The following BIRC7 variants were observed in gnomAD, a reference collection of about 807,000 sequenced individuals.
BIRC7 encodes the protein baculoviral IAP repeat containing 7, also known as baculoviral IAP repeat-containing protein 7.
Under a neutral mutation model 33.2 loss-of-function variants are expected in BIRC7, and 26 were observed. That is an observed-to-expected ratio of 0.78 (90% CI 0.57 to 1.09). The LOEUF is 1.09. BIRC7 is among the 50% of genes least tolerant of loss of function. The pLI, the probability that BIRC7 is intolerant of heterozygous loss-of-function variation, is 0.00. For synonymous variants in BIRC7, 176 were observed against 171.0 expected (o/e 1.03, Z -0.23); for missense variants, 409 against 401.2 (o/e 1.02, Z -0.17).
chr20:63,240,109 C>T (rs1285815362), intron 6 of BIRC7, 147 bp from the exon 7 acceptor site: 1 of 169,492 alleles, frequency 5.9e-6, no homozygotes, highest in Non-Finnish European at 1.3e-5. Flanking sequence ...TCGGGGCTCC[C>T]CAGAGCCTCT....
In BIRC7 at chr20:63,239,584, C is replaced by T. The variant is rs918768601; in HGVS notation, c.876C>T (p.Arg292=). The T allele has an allele frequency of 5.0e-6, 8 of 1,598,562 alleles. No homozygotes were observed. Among genetic ancestry groups the T allele is most frequent in the Admixed American group, 1.7e-5 (1 of 59,880 alleles). The change falls in exon 6 of 7, where the codon CGC becomes CGT. Residue 292 remains arginine, a synonymous_variant. Coordinates refer to ENST00000217169, the MANE Select transcript of BIRC7 (RefSeq NM_139317.3). ...CPICRAPVRS[R]VRTFLS is the part of the protein sequence containing the mutation. ...TCTGCAGAGCCCCCGTCCGCAGCCG[C>T]GTGCGCACCTTCCTGTCCTAGGCCA...
At chr20:63,238,758 T>A in intron 4 of BIRC7, 144 bp downstream of exon 4, 2 of 1,195,496 alleles carry the variant, frequency 1.7e-6, no homozygotes, top group Non-Finnish European at 2.4e-6. Context: ...TGGGTTGGCT[T>A]CAGGGGGCTG....
chr20:63,238,435 CCA>C lies in BIRC7; in HGVS notation c.492_493del (p.His164GlnfsTer36). 3.1e-6 allele frequency: 5 copies of C among 1,612,540 alleles called. No individual in the cohort carries two copies. The highest frequency in any genetic ancestry group is 2.2e-5 in the East Asian group (1 of 44,878). On this transcript the variant is annotated frameshift_variant, in exon 3 of 7. Coordinates refer to ENST00000217169, the MANE Select transcript of BIRC7 (RefSeq NM_139317.3). LOFTEE classifies it high-confidence loss of function. ...TCCGGTCAAAAGGAAGAGACTTTGT[CCA>C]CAGTGTGCAGGAGACTCACTCCCAG... ...LLRSKGRDFVHSVQETHSQLL... is the reference protein window; with the variant it reads ...LLRSKGRDFVXSVQETHSQLL...
chr20:63,236,857 A>G (rs2066692276), intron 1 of BIRC7, among the ~76,000 whole-genome samples: 1 of 152,370 alleles, frequency 6.6e-6, no homozygotes, highest in Non-Finnish European at 1.5e-5. Context: ...CAAGGCAGGC[A>G]GTGGTCAGCC....
chr20:63,238,828 G>A, intron 4 of BIRC7: 1 of 674,614 alleles, frequency 1.5e-6, no homozygotes, highest in Non-Finnish European at 2.5e-6. Context: ...GCCCCATTCT[G>A]CTTCTCTCCC....
In BIRC7 at chr20:63,238,002, G is replaced by A; in HGVS notation, c.449G>A (p.Ser150Asn). The A allele has an allele frequency of 6.3e-7, 1 of 1,590,658 alleles. No individual in the cohort carries two copies. Among genetic ancestry groups the A allele is most frequent in the South Asian group, 1.1e-5 (1 of 88,060 alleles). Residue 150 changes from serine (S) to asparagine (N), a missense_variant and splice_region_variant, in exon 2 of 7, where the codon AGC becomes AAC. Coordinates refer to ENST00000217169, the MANE Select transcript of BIRC7 (RefSeq NM_139317.3). ...ACGGAGCATGCCAAGTGGTTCCCCA[G>A]GTACCGGCTGCCCCTGCGGGGCCCC... Reference protein sequence around the residue: ...PWTEHAKWFPSCQFLLRSKGR... With the variant: ...PWTEHAKWFPNCQFLLRSKGR...
intron 1 of BIRC7, 53 bp downstream of exon 1, chr20:63,236,498 A>C: frequency 6.7e-7 from 1 of 1,492,506 alleles, no homozygotes; most frequent in South Asian, 1.4e-5. Flanking sequence ...ACGATTCTGG[A>C]CCCTTCCAGC....
At chr20:63,240,064 C>T (rs569419690) in intron 6 of BIRC7, among the ~76,000 whole-genome samples, 192 bp from the exon 7 acceptor site, 4 of 152,210 alleles carry the variant, frequency 2.6e-5, no homozygotes, top group African/African-American at 9.6e-5. Context: ...GGTGGGATAC[C>T]CCATACTGGC....
At chr20:63,237,719 TTTCA>T (rs1372674835) in intron 1 of BIRC7, among the ~76,000 whole-genome samples, 180 bp from the exon 2 acceptor site, 2 of 152,068 alleles carry the variant, frequency 1.3e-5, no homozygotes, top group Admixed American at 1.3e-4. Context: ...CTTGTCCCCT[TTTCA>T]CCTTTGATGC....
At chr20:63,239,261 G>A (rs1363228086) in intron 5 of BIRC7, 28 bp downstream of exon 5, 2 of 1,610,698 alleles carry the variant, frequency 1.2e-6, no homozygotes, top group Non-Finnish European at 1.7e-6. Flanking sequence ...CCTGGGTGAG[G>A]GCTGGGGCAG....
chr20:63,236,029 G>A lies in BIRC7; in HGVS notation c.-68G>A. 1 of 1,464,752 alleles carries A rather than the reference G, an allele frequency of 6.8e-7. No homozygotes were observed. The highest frequency in any genetic ancestry group is 9.1e-7 in the Non-Finnish European group (1 of 1,096,524). The allele number at this position is 1,464,752 out of a possible 1,614,324, so 90.7% of individuals were successfully genotyped here. ...CAGGAGCTCCAGAAGGGCCAGCTGGGCATATTCTGAGATTGGCCATCAGCC... is the reference window on the plus strand; with the variant it reads ...CAGGAGCTCCAGAAGGGCCAGCTGGACATATTCTGAGATTGGCCATCAGCC... On this transcript the variant is annotated 5_prime_UTR_variant, in exon 1 of 7. Coordinates refer to ENST00000217169, the MANE Select transcript of BIRC7 (RefSeq NM_139317.3).
chr20:63,238,435 C>T lies in BIRC7; in HGVS notation c.489C>T (p.Val163=), dbSNP rs200627723. 5 of 1,612,540 alleles carry T rather than the reference C, an allele frequency of 3.1e-6. No homozygotes were observed. The highest frequency in any genetic ancestry group is 1.7e-4 in the Middle Eastern group (1 of 6,060). ...TCCGGTCAAAAGGAAGAGACTTTGT[C>T]CACAGTGTGCAGGAGACTCACTCCC... is the stretch of plus-strand genomic sequence containing the variant. ...FLLRSKGRDF[V]HSVQETHSQL... Residue 163 remains valine, a synonymous_variant, in exon 3 of 7, where the codon GTC becomes GTT. Transcript: ENST00000217169.
chr20:63,239,507 T>C lies in BIRC7; in HGVS notation c.799T>C (p.Cys267Arg), dbSNP rs1418734659. 1 of 1,606,172 alleles carries C rather than the reference T, an allele frequency of 6.2e-7. No homozygotes were observed. Among genetic ancestry groups the C allele is most frequent in the Non-Finnish European group, 8.5e-7 (1 of 1,179,814 alleles). Residue 267 changes from cysteine (C) to arginine (R), a missense_variant, in exon 6 of 7, where the codon TGC (cysteine) becomes CGC (arginine). Cys to Arg is a radical substitution (Grantham distance 180). Transcript: ENST00000217169. ...DRAVSIVFVP[C>R]GHLVCAECAP... ...CGCCGTGTCCATCGTCTTTGTGCCG[T>C]GCGGCCACCTGGTCTGTGCTGAGTG...
At position 63,236,064 on chromosome 20, in the gene BIRC7, G is replaced by C; in HGVS notation, c.-33G>C. ...AGATTGGCCATCAGCCCCCATTTCT[G>C]CTGCAAACCTGGTCAGAGCCAGTGT... is the stretch of plus-strand genomic sequence containing the variant. On this transcript the variant is annotated 5_prime_UTR_variant, in exon 1 of 7. Coordinates refer to ENST00000217169, the MANE Select transcript of BIRC7 (RefSeq NM_139317.3). 1 of 1,485,200 alleles carries C rather than the reference G, an allele frequency of 6.7e-7. No homozygotes were observed. The highest frequency in any genetic ancestry group is 1.3e-5 in the South Asian group (1 of 75,228). 92.0% of individuals were successfully genotyped at this position (1,485,200 alleles called of 1,614,324 possible). A position where few individuals can be genotyped will look rare whatever the true frequency, so the allele number is the denominator to read the frequency against.
At chr20:63,238,336 G>A (rs6090325) in intron 2 of BIRC7, 60 bp from the exon 3 acceptor site, 1 of 1,594,662 alleles carries the variant, frequency 6.3e-7, no homozygotes. Context: ...GGGGATCCAA[G>A]GGCTTGAAGC....
Position 63,236,082 on chromosome 20 carries a change from GCCAGTGTTCCCT to G in BIRC7, c.-11_1del. The G allele has an allele frequency of 6.6e-7, 1 of 1,517,708 alleles. No individual in the cohort carries two copies. Among genetic ancestry groups the G allele is most frequent in the Non-Finnish European group, 8.9e-7 (1 of 1,122,506 alleles). The allele number at this position is 1,517,708 out of a possible 1,614,324, so 94.0% of individuals were successfully genotyped here. The stretch of plus-strand genomic sequence containing the variant: ...CATTTCTGCTGCAAACCTGGTCAGA[GCCAGTGTTCCCT>G]CCATGGGACCTAAAGACAGTGCCAA... On this transcript the variant is annotated 5_prime_UTR_variant, in exon 1 of 7. Transcript: ENST00000217169.
In BIRC7 at chr20:63,239,363, G is replaced by A; in HGVS notation, c.655G>A (p.Val219Ile). Residue 219 changes from valine (V) to isoleucine (I), a missense_variant, in exon 6 of 7, where the codon GTC becomes ATC. Val to Ile is a conservative substitution (Grantham distance 29, BLOSUM62 3). Transcript: ENST00000217169. ...QSESAQEPGG[V>I]SPAEAQRAWW... is the part of the protein sequence containing the mutation. ...TCGCAGGCCTGTCCTCCTAGGAGGG[G>A]TCAGTCCAGCCGAGGCCCAGAGGGC... 2 of 1,603,136 alleles carry A rather than the reference G, an allele frequency of 1.2e-6. No individual in the cohort carries two copies. The highest frequency in any genetic ancestry group is 1.7e-6 in the Non-Finnish European group (2 of 1,179,682).
intron 4 of BIRC7, 66 bp from the exon 5 acceptor site, chr20:63,239,096 T>G: frequency 1.3e-6 from 2 of 1,524,512 alleles, no homozygotes; most frequent in Non-Finnish European, 1.8e-6. Flanking sequence ...GCTGCAGACC[T>G]GTATCTGGGC....
chr20:63,239,151 A>G lies in BIRC7; in HGVS notation c.578-11A>G, dbSNP rs1309952356. 6.2e-7 allele frequency: 1 copy of G among 1,611,826 alleles called. No individual in the cohort carries two copies. Among genetic ancestry groups the G allele is most frequent in the East Asian group, 2.2e-5 (1 of 44,830 alleles). On this transcript the variant is annotated splice_polypyrimidine_tract_variant and intron_variant, in intron 4 of 6. Coordinates refer to ENST00000217169, the MANE Select transcript of BIRC7 (RefSeq NM_139317.3). ...GGAGTTAGGCCTCAAGTCTATCCTA[A>G]CTGTCCACAGTCCCTGCCTCTGGGT...
Sources: allele counts gnomAD v4.1 joint callset (sites outside exome capture counted in the v4.1 genomes callset), GRCh38; gene constraint gnomAD v4.1.1; transcripts MANE v1.5; gene names NCBI Gene and HGNC (gene_info 2026-07-23, HGNC 2026-07-21).